Variants in NCOR2 observed in about 807,000 individuals in gnomAD.
NCOR2 encodes the protein nuclear receptor corepressor 2.
Under a neutral mutation model 262.9 loss-of-function variants are expected in NCOR2, and 81 were observed. The observed-to-expected ratio is 0.31, with a 90% CI of 0.26 to 0.37. The LOEUF (loss-of-function observed/expected upper bound fraction) is 0.37. Among genes scored for constraint, NCOR2 ranks in the 10% least tolerant of loss-of-function variants. The pLI is 1.00. For synonymous variants in NCOR2, 1,659 were observed against 1,559.3 expected (o/e 1.06, Z -1.51); for missense variants, 3,385 against 3,621.4 (o/e 0.93, Z 1.68).
chr12:124,381,120 A>G (rs565747457), intron 17 of NCOR2, among the ~76,000 whole-genome samples: 36 of 151,958 alleles, frequency 2.4e-4, no homozygotes, highest in Non-Finnish European at 4.9e-4. Flanking sequence ...CCCTATCCAT[A>G]TGGCCCTGTG....
At chr12:124,414,176 C>G (rs946454914) in intron 13 of NCOR2, among the ~76,000 whole-genome samples, 8 of 152,214 alleles carry the variant, frequency 5.3e-5, no homozygotes, top group African/African-American at 1.9e-4. Context: ...GAGGGGACGG[C>G]TGGGCCTCCC....
chr12:124,381,586 G>T (rs1011762693), intron 17 of NCOR2, among the ~76,000 whole-genome samples: 2 of 152,232 alleles, frequency 1.3e-5, no homozygotes, highest in African/African-American at 4.8e-5. Context: ...GAACCTGATA[G>T]ACAGTGACAA....
intron 37 of NCOR2, among the ~76,000 whole-genome samples, chr12:124,338,134 T>C (rs774775677): frequency 6.6e-6 from 1 of 152,214 alleles, no homozygotes; most frequent in Non-Finnish European, 1.5e-5. Flanking sequence ...GAGGTATGAC[T>C]TCAGGCATCC....
chr12:124,521,589 C>T (rs1355592853), intron 1 of NCOR2, among the ~76,000 whole-genome samples: 2 of 152,094 alleles, frequency 1.3e-5, no homozygotes, highest in Non-Finnish European at 2.9e-5. Flanking sequence ...TTGGTAGCTG[C>T]CAGGGGCTGC....
chr12:124,457,028 G>T lies in NCOR2; in HGVS notation c.762+78C>A. On this transcript the variant is annotated intron_variant, in intron 6 of 46. Transcript: ENST00000405201. This position sits in a 1 kb window ranked among gnomAD's most constrained non-coding sequence, Gnocchi z 4.0. Reference sequence around the variant, plus strand: ...GTAATAGATGACTTCCTCCTCCGCCGCACCCTCCCGCCTCCCTGCCCACCT... The same window carrying T: ...GTAATAGATGACTTCCTCCTCCGCCTCACCCTCCCGCCTCCCTGCCCACCT... The T allele has an allele frequency of 8.9e-7, 1 of 1,122,718 alleles. No homozygotes were observed. The highest frequency in any genetic ancestry group is 1.2e-6 in the Non-Finnish European group (1 of 824,584). The allele number at this position is 1,122,718 out of a possible 1,614,324, so 69.5% of individuals were successfully genotyped here. A position where few individuals can be genotyped will look rare whatever the true frequency, so the allele number is the denominator to read the frequency against.
intron 11 of NCOR2, among the ~76,000 whole-genome samples, chr12:124,424,957 G>C (rs1028448744): frequency 1.3e-4 from 20 of 152,210 alleles, no homozygotes; most frequent in African/African-American, 4.1e-4. Flanking sequence ...CTATGTCCTG[G>C]GCAGGGAACC....
chr12:124,364,002 AGGGGAGGCACGAGTGGGC>A (rs1278641532), intron 20 of NCOR2, among the ~76,000 whole-genome samples: 1 of 151,868 alleles, frequency 6.6e-6, no homozygotes, highest in Non-Finnish European at 1.5e-5. Flanking sequence ...GGGCCAGGGG[AGGGGAGGCACGAGTGGGC>A]GGGCAAGTGC....
At position 124,352,608 on chromosome 12, in the gene NCOR2, A is replaced by ATCC. The variant is rs367923169; in HGVS notation, c.3693+1482_3693+1484dup. On this transcript the variant is annotated intron_variant, in intron 27 of 46. Coordinates refer to ENST00000405201, the Ensembl canonical transcript of NCOR2. ...GGTCTCAAACTCCTGGGCTCAAGCT[A>ATCC]TCCTCCCACCTTGGCCTCCCAAAAT... Among the ~76,000 whole-genome samples, 587 of 152,250 alleles carry ATCC rather than the reference A, an allele frequency of 3.9e-3. 1 individual carries two copies. Among genetic ancestry groups the ATCC allele is most frequent in the African/African-American group, 0.013 (554 of 41,540 alleles).
chr12:124,553,257 A>G (rs1225447212), intron 1 of NCOR2, among the ~76,000 whole-genome samples: 1 of 152,208 alleles, frequency 6.6e-6, no homozygotes, highest in Admixed American at 6.5e-5. Context: ...GCCCGGGCAG[A>G]TAATCTAGGA....
At chr12:124,505,448 G>A (rs995874649) in intron 1 of NCOR2, among the ~76,000 whole-genome samples, 1 of 151,798 alleles carries the variant, frequency 6.6e-6, no homozygotes, top group African/African-American at 2.4e-5. Flanking sequence ...GCTGTGGGCT[G>A]CACCTGTAGG....
At chr12:124,511,643 G>A (rs527933064) in intron 1 of NCOR2, among the ~76,000 whole-genome samples, 4 of 152,292 alleles carry the variant, frequency 2.6e-5, no homozygotes, top group African/African-American at 7.2e-5. Context: ...AGGGCCTTGT[G>A]GATTTGGTTC....
chr12:124,522,462 T>C (rs918819259), intron 1 of NCOR2, among the ~76,000 whole-genome samples: 2 of 152,206 alleles, frequency 1.3e-5, no homozygotes, highest in Non-Finnish European at 2.9e-5. Flanking sequence ...CAGTGGCTCC[T>C]GGCGTTCCTT....
At position 124,517,694 on chromosome 12, in the gene NCOR2, G is replaced by C. The variant is rs1007052684; in HGVS notation, c.-118+17871C>G. 2.0e-5 allele frequency among the ~76,000 whole-genome samples: 3 copies of C among 152,216 alleles called. No homozygotes were observed. Among genetic ancestry groups the C allele is most frequent in the Non-Finnish European group, 2.9e-5 (2 of 68,028 alleles). On this transcript the variant is annotated intron_variant, in intron 1 of 46. Coordinates refer to the NCOR2 transcript ENST00000404621. The surrounding 1 kb of genome is among the most constrained non-coding windows in gnomAD (Gnocchi z 7.6). The stretch of plus-strand genomic sequence containing the variant: ...CCAAGGCTCGCCATGCTCCCCCCCA[G>C]GGACGCCGGATGTGCACCAAGGAGA...
chr12:124,380,772 G>GA (rs2040354812), intron 17 of NCOR2, among the ~76,000 whole-genome samples: 2 of 152,078 alleles, frequency 1.3e-5, no homozygotes, highest in Non-Finnish European at 2.9e-5. Flanking sequence ...TGGAGTGCAA[G>GA]GTGTCTCTGC....
chr12:124,376,836 C>T (rs966349791), intron 18 of NCOR2, among the ~76,000 whole-genome samples: 2 of 152,198 alleles, frequency 1.3e-5, no homozygotes, highest in African/African-American at 4.8e-5. Context: ...GGACCCCAGA[C>T]GGGGCAGGAG....
chr12:124,458,649 C>G (rs2046007939), intron 5 of NCOR2, among the ~76,000 whole-genome samples: 1 of 152,200 alleles, frequency 6.6e-6, no homozygotes, highest in African/African-American at 2.4e-5. Flanking sequence ...ATGGGAGGTA[C>G]AGGCAGGAGT....
chr12:124,433,523 G>A (rs963175293), intron 8 of NCOR2, among the ~76,000 whole-genome samples: 1 of 152,168 alleles, frequency 6.6e-6, no homozygotes, highest in Non-Finnish European at 1.5e-5. Context: ...TGGAGTGCAC[G>A]GGTGGCAAAG....
At chr12:124,369,515 A>T (rs919548240) in intron 20 of NCOR2, among the ~76,000 whole-genome samples, 1 of 151,642 alleles carries the variant, frequency 6.6e-6, no homozygotes, top group African/African-American at 2.4e-5. Flanking sequence ...CCTGGCTGCC[A>T]GGGCCTACTC....
chr12:124,533,010 C>T (rs1439457483), intron 1 of NCOR2, among the ~76,000 whole-genome samples: 1 of 75,862 alleles, frequency 1.3e-5, no homozygotes, highest in Non-Finnish European at 3.1e-5. Context: ...CCAAATCGCA[C>T]TTCTCCTTCC....
Sources: allele counts gnomAD v4.1 joint callset (sites outside exome capture counted in the v4.1 genomes callset), GRCh38; gene constraint gnomAD v4.1.1; non-coding constraint Gnocchi (gnomAD v3.1); transcripts MANE v1.5; gene names NCBI Gene and HGNC (gene_info 2026-07-23, HGNC 2026-07-21).